Variants in CFAP161 observed in about 807,000 individuals in gnomAD.
CFAP161 encodes the protein cilia- and flagella-associated protein 161.
CFAP161 carries 25 observed loss-of-function variants against 29.0 expected under a neutral mutation model. That is an observed-to-expected ratio of 0.86 (90% CI 0.63 to 1.20). CFAP161 has a LOEUF of 1.20. Among genes scored for constraint, CFAP161 ranks in the 50% most tolerant of loss-of-function variants. The probability of loss-of-function intolerance (pLI) is 0.00; values close to 1 mark genes in which losing one functional copy is unlikely to be tolerated. For synonymous variants in CFAP161, 116 were observed against 137.4 expected, an observed-to-expected ratio of 0.84 and a Z score of 1.09; for missense variants, 367 against 371.9, an observed-to-expected ratio of 0.99 and a Z score of 0.11.
In CFAP161 at chr15:81,134,388, A is replaced by G; in HGVS notation, c.59A>G (p.Tyr20Cys). ...VRIGNWNEDV[Y>C]LEEELMKDFL... is the part of the protein sequence containing the mutation. The stretch of plus-strand genomic sequence containing the variant: ...ATAGGCAACTGGAATGAGGATGTCT[A>G]CCTGGAGGAGGTACGCAGGGTGTGG... The change falls in exon 1 of 7, where the codon TAC becomes TGC. Residue 20 changes from tyrosine (Y) to cysteine (C), a missense_variant. Coordinates refer to ENST00000286732, the MANE Select transcript of CFAP161 (RefSeq NM_173528.4). 2 of 1,585,662 alleles carry G rather than the reference A, an allele frequency of 1.3e-6. No homozygotes were observed. The highest frequency in any genetic ancestry group is 8.6e-7 in the Non-Finnish European group (1 of 1,166,752).
At chr15:81,131,084 A>T (rs975190954), upstream of CFAP161, among the ~76,000 whole-genome samples, 2 of 152,030 alleles carry the variant, frequency 1.3e-5, no homozygotes, top group Non-Finnish European at 2.9e-5. Context: ...CTGTTGGAAA[A>T]ATGGCTCCAA....
upstream of CFAP161, among the ~76,000 whole-genome samples, chr15:81,133,217 A>ATG (rs1276936149): frequency 3.3e-5 from 1 of 30,148 alleles, no homozygotes; most frequent in African/African-American, 1.1e-4. Context: ...ATATATATAT[A>ATG]TATATATGTA....
At chr15:81,135,896 C>T (rs1046456309) in intron 2 of CFAP161, among the ~76,000 whole-genome samples, 2 of 152,084 alleles carry the variant, frequency 1.3e-5, no homozygotes, top group African/African-American at 4.8e-5. Flanking sequence ...ACTAGAAATA[C>T]CATTTGACCC....
chr15:81,115,536 G>T lies in CFAP161; in HGVS notation c.-141-12054G>T, dbSNP rs1894486650. The stretch of plus-strand genomic sequence containing the variant: ...CTCAATTTTGCAATTATGTCAAAGT[G>T]CTGAGCCAGTATTATTTCGTACTTC... On this transcript the variant is annotated intron_variant, in intron 1 of 4. Coordinates refer to the CFAP161 transcript ENST00000560091. 2.6e-5 allele frequency among the ~76,000 whole-genome samples: 4 copies of T among 152,058 alleles called. No individual in the cohort carries two copies. The South Asian group carries it at 8.3e-4, about 32-fold the overall frequency.
At chr15:81,147,774 T>C in intron 5 of CFAP161, 84 bp from the exon 6 acceptor site, 1 of 879,364 alleles carries the variant, frequency 1.1e-6, no homozygotes, top group Non-Finnish European at 1.7e-6. Context: ...TAATCCCAAA[T>C]TTTTGCTTTT....
At chr15:81,131,757 T>C (rs928853635), upstream of CFAP161, among the ~76,000 whole-genome samples, 1 of 151,704 alleles carries the variant, frequency 6.6e-6, no homozygotes, top group Admixed American at 6.6e-5. Context: ...AGACAAAGGA[T>C]CAGAAAAAAT....
chr15:81,148,464 G>T lies in CFAP161; in HGVS notation c.837G>T (p.Leu279Phe). 6.2e-7 allele frequency: 1 copy of T among 1,614,172 alleles called. No homozygotes were observed. The highest frequency in any genetic ancestry group is 8.5e-7 in the Non-Finnish European group (1 of 1,180,030). Residue 279 changes from leucine (L) to phenylalanine (F), a missense_variant, in exon 7 of 7, where the codon TTG (leucine) becomes TTT (phenylalanine). By Grantham distance (22) the Leu-to-Phe change is conservative (BLOSUM62 0). Coordinates refer to ENST00000286732, the MANE Select transcript of CFAP161 (RefSeq NM_173528.4). ...GNPRDASSSMLDLPKPPTEDT... is the reference protein window; with the variant it reads ...GNPRDASSSMFDLPKPPTEDT... ...CCAGGGATGCCTCGTCCTCCATGTT[G>T]GATCTGCCCAAACCACCCACAGAGG...
intron 1 of CFAP161, chr15:81,118,097 GT>G: frequency 1.1e-5 from 6 of 530,510 alleles, no homozygotes; most frequent in Admixed American, 2.8e-5. Context: ...ATATCTTTCA[GT>G]TTTTTTCCAC....
chr15:81,141,375 A>G (rs1001911571), intron 4 of CFAP161, among the ~76,000 whole-genome samples: 2 of 152,244 alleles, frequency 1.3e-5, no homozygotes, highest in Non-Finnish European at 2.9e-5. Flanking sequence ...TTATAAAAAT[A>G]TAAGAAGGCT....
chr15:81,121,185 T>C (rs978677118), intron 1 of CFAP161, among the ~76,000 whole-genome samples: 2 of 152,228 alleles, frequency 1.3e-5, no homozygotes, highest in Non-Finnish European at 2.9e-5. Context: ...ACTGATGACA[T>C]ACTTGGGCTT....
intron 1 of CFAP161, chr15:81,117,915 G>T: frequency 2.4e-6 from 1 of 422,684 alleles, no homozygotes. Context: ...CATCCACCTG[G>T]GCATCTGAGT....
At chr15:81,108,449 G>A (rs1894401833) in intron 1 of CFAP161, among the ~76,000 whole-genome samples, 2 of 152,034 alleles carry the variant, frequency 1.3e-5, no homozygotes, top group African/African-American at 4.8e-5. Flanking sequence ...AAAGGCCCTG[G>A]ACAAAAAGTC....
rs28502529 is a variant in CFAP161, at chr15:81,102,566, G to C, written c.-141-25024G>C. On this transcript the variant is annotated intron_variant, in intron 1 of 4. Coordinates refer to the CFAP161 transcript ENST00000560091. ...GCACATCATTTCAGCTACTTCAGAG[G>C]CAGAGGTAGAAGGGTTGCTTGAGTC... is the stretch of plus-strand genomic sequence containing the variant. Among the ~76,000 whole-genome samples, 372 of 152,302 alleles carry C rather than the reference G, an allele frequency of 2.4e-3. 1 individual carries two copies. The highest frequency in any genetic ancestry group is 8.5e-3 in the African/African-American group (352 of 41,568).
At chr15:81,127,365 C>A (rs1444158419) in intron 1 of CFAP161, among the ~76,000 whole-genome samples, 1 of 152,110 alleles carries the variant, frequency 6.6e-6, no homozygotes, top group African/African-American at 2.4e-5. Flanking sequence ...ACATTTTAAC[C>A]TAGGTGTGCA....
intron 3 of CFAP161, 117 bp downstream of exon 3, chr15:81,136,865 G>T (rs1019950726): frequency 1.1e-5 from 9 of 823,138 alleles, no homozygotes; most frequent in Non-Finnish European, 1.7e-5. Flanking sequence ...AACATTTTTC[G>T]TGATTTTCAT....
intron 4 of CFAP161, among the ~76,000 whole-genome samples, chr15:81,139,086 G>T (rs770160619): frequency 2.6e-5 from 4 of 152,140 alleles, no homozygotes; most frequent in Non-Finnish European, 5.9e-5. Flanking sequence ...AGGATCACTT[G>T]AGGCCAGGAG....
chr15:81,123,354 G>T (rs189361291), intron 1 of CFAP161, among the ~76,000 whole-genome samples: 1 of 152,252 alleles, frequency 6.6e-6, no homozygotes, highest in East Asian at 1.9e-4. Flanking sequence ...TTGTAGGTGT[G>T]CGGTCTTATT....
intron 1 of CFAP161, among the ~76,000 whole-genome samples, chr15:81,109,354 A>C (rs1370735505): frequency 2.0e-5 from 3 of 152,236 alleles, no homozygotes; most frequent in Non-Finnish European, 4.4e-5. Context: ...CAGTTCTTCA[A>C]AGAAATGCTT....
At chr15:81,122,941 C>T (rs912029159) in intron 1 of CFAP161, among the ~76,000 whole-genome samples, 1 of 152,038 alleles carries the variant, frequency 6.6e-6, no homozygotes, top group African/African-American at 2.4e-5. Flanking sequence ...GGATATTAGA[C>T]CTTTCTTGGA....
Sources: gnomAD v4.1 joint callset for allele counts (sites outside exome capture counted in the v4.1 genomes callset) on GRCh38, gnomAD v4.1.1 for gene constraint, MANE v1.5 for transcripts, NCBI Gene and HGNC (gene_info 2026-07-23, HGNC 2026-07-21) for gene names.